SORCS2: variants seen among roughly 807,000 people sequenced by gnomAD.
The protein encoded by SORCS2 is VPS10 domain-containing receptor SorCS2.
SORCS2 carries 100 observed loss-of-function variants against 141.6 expected under a neutral mutation model. The observed-to-expected ratio is 0.71, with a 90% CI of 0.60 to 0.83. The LOEUF (loss-of-function observed/expected upper bound fraction) is 0.83. Ranked by LOEUF, SORCS2 falls within the 40% of genes least tolerant of loss-of-function variation. The pLI is 0.00. For missense variants in SORCS2, 1,646 were observed against 1,560.2 expected (o/e 1.05, Z -0.93); for synonymous variants, 789 against 676.9 (o/e 1.17, Z -2.57).
At chr4:7,487,340 T>G (rs1482706889) in intron 2 of SORCS2, among the ~76,000 whole-genome samples, 11 of 152,318 alleles carry the variant, frequency 7.2e-5, no homozygotes, top group African/African-American at 2.6e-4. Context: ...GGCTGTGTTA[T>G]CCCCATCCTA....
Position 7,714,165 on chromosome 4 carries a change from G to A in SORCS2, c.1990-75G>A. ...CATCAGCCATCTTCAGGCTCTGGCAGCCTCAGCGGCACAAGGCCTTGTAGA... is the reference window on the plus strand; with the variant it reads ...CATCAGCCATCTTCAGGCTCTGGCAACCTCAGCGGCACAAGGCCTTGTAGA... On this transcript the variant is annotated intron_variant, in intron 15 of 26. Coordinates refer to ENST00000507866, the MANE Select transcript of SORCS2 (RefSeq NM_020777.3). 6.6e-6 allele frequency: 10 copies of A among 1,523,068 alleles called. No individual in the cohort carries two copies. In the South Asian group the frequency reaches 1.3e-4, roughly 19 times the overall value. The allele number at this position is 1,523,068 out of a possible 1,614,324, so 94.3% of individuals were successfully genotyped here.
chr4:7,575,048 CT>C (rs1422771030), intron 3 of SORCS2, among the ~76,000 whole-genome samples: 1 of 152,180 alleles, frequency 6.6e-6, no homozygotes, highest in Non-Finnish European at 1.5e-5. Context: ...TATGAGGACA[CT>C]TGGTGAAGAT....
At chr4:7,656,001 C>T (rs1204587582) in intron 5 of SORCS2, among the ~76,000 whole-genome samples, 1 of 152,258 alleles carries the variant, frequency 6.6e-6, no homozygotes, top group Non-Finnish European at 1.5e-5. Flanking sequence ...ACAGCAGACA[C>T]TGACCACCAC....
At chr4:7,559,193 C>T (rs1214941695) in intron 3 of SORCS2, among the ~76,000 whole-genome samples, 1 of 152,214 alleles carries the variant, frequency 6.6e-6, no homozygotes, top group African/African-American at 2.4e-5. Flanking sequence ...GCTACGTGCC[C>T]CCCTCCAAGA....
At chr4:7,595,147 T>C (rs545947753) in intron 3 of SORCS2, among the ~76,000 whole-genome samples, 1 of 152,172 alleles carries the variant, frequency 6.6e-6, no homozygotes, top group Non-Finnish European at 1.5e-5. Context: ...TCGTGTGTAG[T>C]AATTCGCCAC....
intron 4 of SORCS2, among the ~76,000 whole-genome samples, chr4:7,640,587 G>T (rs1046684120): frequency 2.0e-5 from 3 of 151,762 alleles, no homozygotes; most frequent in Non-Finnish European, 4.4e-5. Flanking sequence ...TCGGGCCTTC[G>T]TTTAGGGCCC....
At chr4:7,384,135 T>C (rs1275450133) in intron 1 of SORCS2, among the ~76,000 whole-genome samples, 2 of 152,104 alleles carry the variant, frequency 1.3e-5, no homozygotes, top group African/African-American at 4.8e-5. Flanking sequence ...CAGAGGCCCT[T>C]GGTGGAGGCC....
rs544528633 is a variant in SORCS2 at position 7,583,029 on chromosome 4, T to G, written c.648+51400T>G. Among the ~76,000 whole-genome samples, 520 of 151,262 alleles carry G rather than the reference T, an allele frequency of 3.4e-3. 2 individuals are homozygous for G. The highest frequency in any genetic ancestry group is 6.0e-3 in the Non-Finnish European group (403 of 67,712). ...TTCACATTTGTTGAAATGAAGAAAA[T>G]TGGGTCAGCATTCCTTAGGACTTTG... On this transcript the variant is annotated intron_variant, in intron 3 of 26. Transcript: ENST00000507866.
chr4:7,684,125 C>G (rs909014381), intron 10 of SORCS2, among the ~76,000 whole-genome samples: 3 of 152,192 alleles, frequency 2.0e-5, no homozygotes, highest in Non-Finnish European at 2.9e-5. Context: ...CTCACCACCA[C>G]CAGCATCCCT....
intron 2 of SORCS2, chr4:7,430,595 C>A (rs1726773763): frequency 6.6e-6 from 1 of 152,248 alleles, no homozygotes; most frequent in African/African-American, 2.4e-5. Context: ...TCGGCTCTGG[C>A]AGCCCGGCGG....
chr4:7,733,345 G>T lies in SORCS2; in HGVS notation c.3132G>T (p.Val1044=). 6.4e-7 allele frequency: 1 copy of T among 1,565,524 alleles called. No homozygotes were observed. The highest frequency in any genetic ancestry group is 1.4e-5 in the African/African-American group (1 of 73,732). The change falls in exon 24 of 27, where the codon GTG becomes GTT. Residue 1044 remains valine, a synonymous_variant. Coordinates refer to ENST00000507866, the MANE Select transcript of SORCS2 (RefSeq NM_020777.3). ...AGAGGCTCGCCGCCATCCAGCAGGT[G>T]CTGAACGCACAGAAGATCAGCTTCC... ...SDKRLAAIQQ[V]LNAQKISFLL... is the part of the protein sequence containing the mutation.
At chr4:7,457,941 C>T (rs1015861190) in intron 2 of SORCS2, among the ~76,000 whole-genome samples, 14 of 151,976 alleles carry the variant, frequency 9.2e-5, no homozygotes, top group East Asian at 1.9e-4. Context: ...CGAGAGGCTG[C>T]GGGGCAGGGA....
intron 3 of SORCS2, among the ~76,000 whole-genome samples, chr4:7,594,905 G>A (rs201193541): frequency 2.0e-5 from 3 of 152,086 alleles, no homozygotes; most frequent in East Asian, 1.9e-4. Flanking sequence ...CCTCAACTGC[G>A]TTTACTCACA....
rs1390388304 is a variant in SORCS2, at chr4:7,396,290, G to A, written c.483G>A (p.Val161=). 4 of 1,613,884 alleles carry A rather than the reference G, an allele frequency of 2.5e-6. No individual in the cohort carries two copies. Among genetic ancestry groups the A allele is most frequent in the African/African-American group, 1.3e-5 (1 of 75,042 alleles). ...MVHWTGENSS[V]ILILTKYYHA... is the part of the protein sequence containing the mutation. The stretch of plus-strand genomic sequence containing the variant: ...TTTACTTTCTGTTAACACCACAGGT[G>A]ATCTTGATCCTGACGAAGTACTACC... Residue 161 remains valine (V), a splice_region_variant and synonymous_variant, in exon 2 of 27, where the codon GTG becomes GTA. Transcript: ENST00000507866.
intron 2 of SORCS2, among the ~76,000 whole-genome samples, chr4:7,520,571 G>A (rs942873994): frequency 6.6e-6 from 1 of 152,196 alleles, no homozygotes; most frequent in Non-Finnish European, 1.5e-5. Context: ...CCAGCAAGCC[G>A]TGGCAGGCAG....
intron 1 of SORCS2, among the ~76,000 whole-genome samples, chr4:7,265,030 G>A (rs535219582): frequency 1.6e-4 from 24 of 152,334 alleles, no homozygotes; most frequent in African/African-American, 4.8e-4. Context: ...CCGCCCTGGC[G>A]CCAGGCTTCC....
At chr4:7,245,128 C>G (rs139259607) in intron 1 of SORCS2, among the ~76,000 whole-genome samples, 1 of 152,154 alleles carries the variant, frequency 6.6e-6, no homozygotes, top group African/African-American at 2.4e-5. Flanking sequence ...GAGGCTGGGC[C>G]GCTTCTTCCC....
intron 3 of SORCS2, among the ~76,000 whole-genome samples, chr4:7,635,232 G>A (rs565103127): frequency 1.3e-5 from 2 of 152,306 alleles, no homozygotes; most frequent in Admixed American, 6.5e-5. Flanking sequence ...ATCCTGCAGT[G>A]TGTGGCTGAG....
intron 2 of SORCS2, among the ~76,000 whole-genome samples, chr4:7,444,371 C>T (rs4596238): frequency 0.39 from 59,594 of 151,930 alleles, 12,339 homozygotes; most frequent in South Asian, 0.57. Flanking sequence ...TGTAAGGGGC[C>T]TGGGGACAGG....
Sources: allele counts gnomAD v4.1 joint callset (sites outside exome capture counted in the v4.1 genomes callset), GRCh38; gene constraint gnomAD v4.1.1; transcripts MANE v1.5; gene names NCBI Gene and HGNC (gene_info 2026-07-23, HGNC 2026-07-21).